TFAM: variants seen among roughly 807,000 people sequenced by gnomAD.
TFAM encodes mitochondrial transcription factor 1.
Under a neutral mutation model 30.6 loss-of-function variants are expected in TFAM, and 13 were observed. That is an observed-to-expected ratio of 0.42 (90% CI 0.28 to 0.67). The LOEUF is 0.67. Ranked by LOEUF, TFAM falls within the 30% of genes least tolerant of loss-of-function variation. TFAM has a pLI of 0.21. For missense variants in TFAM, 231 were observed against 293.7 expected (o/e 0.79, Z 1.56); for synonymous variants, 106 against 94.8 (o/e 1.12, Z -0.69).
Position 58,390,761 on chromosome 10 carries a change from T to C in TFAM, c.442-4T>C. ...TTTTTGACCCTCCAATTTTTTTAAT[T>C]CAGGAGTTAACACTGCTTGGAAAAC... On this transcript the variant is annotated splice_polypyrimidine_tract_variant and splice_region_variant and intron_variant, in intron 4 of 6. Coordinates refer to ENST00000487519, the MANE Select transcript of TFAM (RefSeq NM_003201.3). The C allele has an allele frequency of 6.2e-7, 1 of 1,611,206 alleles. No homozygotes were observed. Among genetic ancestry groups the C allele is most frequent in the Non-Finnish European group, 8.5e-7 (1 of 1,179,084 alleles).
intron 2 of TFAM, among the ~76,000 whole-genome samples, chr10:58,387,036 G>A (rs984374919): frequency 6.6e-6 from 1 of 152,148 alleles, no homozygotes; most frequent in African/African-American, 2.4e-5. Flanking sequence ...GGTCGAGATG[G>A]GTGGATTGCT....
chr10:58,396,101 A>G lies in TFAM; in HGVS notation c.*1027A>G, dbSNP rs1840676564. On this transcript the variant is annotated 3_prime_UTR_variant, in exon 7 of 7. Coordinates refer to ENST00000487519, the MANE Select transcript of TFAM (RefSeq NM_003201.3). Reference sequence around the variant, plus strand: ...TTATGATACTTGAAAATTAACATGAATATTTAGTGTTCATAAATAAAGTTT... The same window carrying G: ...TTATGATACTTGAAAATTAACATGAGTATTTAGTGTTCATAAATAAAGTTT... 6.6e-6 allele frequency: 1 copy of G among 152,482 alleles called. No homozygotes were observed. Among genetic ancestry groups the G allele is most frequent in the Non-Finnish European group, 1.5e-5 (1 of 68,260 alleles). The allele number at this position is 152,482 out of a possible 1,614,324, so 9.4% of individuals were successfully genotyped here.
At chr10:58,389,976 A>G (rs1009191421) in intron 4 of TFAM, among the ~76,000 whole-genome samples, 3 of 152,230 alleles carry the variant, frequency 2.0e-5, no homozygotes, top group Non-Finnish European at 4.4e-5. Flanking sequence ...TCTAGAAACA[A>G]AGAGGGAAAT....
intron 2 of TFAM, 105 bp from the exon 3 acceptor site, chr10:58,388,080 CATTAT>C (rs1840524052): frequency 2.5e-6 from 2 of 799,022 alleles, no homozygotes; most frequent in Non-Finnish European, 2.1e-6. Flanking sequence ...AAAGTTAAAT[CATTAT>C]ATTAAGTTAT....
chr10:58,387,701 A>G (rs896349530), intron 2 of TFAM, among the ~76,000 whole-genome samples: 1 of 152,132 alleles, frequency 6.6e-6, no homozygotes, highest in African/African-American at 2.4e-5. Context: ...AGACTGAGGC[A>G]GATGGATTGC....
Position 58,395,679 on chromosome 10 carries a change from A to G in TFAM, c.*605A>G. 1 of 296,846 alleles carries G rather than the reference A, an allele frequency of 3.4e-6. No individual in the cohort carries two copies. The highest frequency in any genetic ancestry group is 6.1e-6 in the Non-Finnish European group (1 of 162,704). The allele number at this position is 296,846 out of a possible 1,614,324, so 18.4% of individuals were successfully genotyped here. Reference sequence around the variant, plus strand: ...TTTCTAAAGTAAAAACAAAGAAATTATGTGCCAGATTTATGCATATTATTT... The same window carrying G: ...TTTCTAAAGTAAAAACAAAGAAATTGTGTGCCAGATTTATGCATATTATTT... On this transcript the variant is annotated 3_prime_UTR_variant, in exon 7 of 7. Coordinates refer to ENST00000487519, the MANE Select transcript of TFAM (RefSeq NM_003201.3).
chr10:58,386,144 G>C lies in TFAM; in HGVS notation c.102-76G>C. 3 of 951,290 alleles carry C rather than the reference G, an allele frequency of 3.2e-6. No homozygotes were observed. In the Admixed American group the frequency reaches 5.1e-5, roughly 16 times the overall value. 58.9% of individuals were successfully genotyped at this position (951,290 alleles called of 1,614,324 possible). A position where few individuals can be genotyped will look rare whatever the true frequency, so the allele number is the denominator to read the frequency against. ...TATCTTGATGACATTTCTTATTTGGGATCTGTGTTCATATACATGTGAATA... is the reference window on the plus strand; with the variant it reads ...TATCTTGATGACATTTCTTATTTGGCATCTGTGTTCATATACATGTGAATA... On this transcript the variant is annotated intron_variant, in intron 1 of 6. Coordinates refer to ENST00000487519, the MANE Select transcript of TFAM (RefSeq NM_003201.3).
chr10:58,385,460 G>C lies in TFAM; in HGVS notation c.-88G>C. On this transcript the variant is annotated 5_prime_UTR_variant, in exon 1 of 7. Coordinates refer to ENST00000487519, the MANE Select transcript of TFAM (RefSeq NM_003201.3). ...GATAACACACGCCGGAGGGTCGCAC[G>C]CGGGTTCCAGTTGTGATTGCTGGAG... 1.0e-6 allele frequency: 1 copy of C among 996,370 alleles called. No homozygotes were observed. The highest frequency in any genetic ancestry group is 1.5e-6 in the Non-Finnish European group (1 of 645,888). The allele number at this position is 996,370 out of a possible 1,614,324, so 61.7% of individuals were successfully genotyped here. A position where few individuals can be genotyped will look rare whatever the true frequency, so the allele number is the denominator to read the frequency against.
In TFAM at chr10:58,388,830, T is replaced by C. The variant is rs755878506; in HGVS notation, c.441+11T>C. On this transcript the variant is annotated intron_variant, in intron 4 of 6. Coordinates refer to ENST00000487519, the MANE Select transcript of TFAM (RefSeq NM_003201.3). ...ATGACAAAAAAAAAAGTGAGTATCA[T>C]TGAAATACTTTTTTCTTATGGTAAA... 2 of 1,593,962 alleles carry C rather than the reference T, an allele frequency of 1.3e-6. No homozygotes were observed. Among genetic ancestry groups the C allele is most frequent in the East Asian group, 4.5e-5 (2 of 44,712 alleles).
At chr10:58,387,062 G>A (rs548745860) in intron 2 of TFAM, among the ~76,000 whole-genome samples, 5 of 152,180 alleles carry the variant, frequency 3.3e-5, no homozygotes, top group Admixed American at 3.3e-4. Context: ...CCAGGAGTTC[G>A]AGAACAGCCT....
At position 58,398,979 on chromosome 10, in the gene TFAM, T is replaced by A. The variant is rs1182960656; in HGVS notation, c.*3905T>A. 1 of 152,214 alleles carries A rather than the reference T, an allele frequency of 6.6e-6. No homozygotes were observed. Among genetic ancestry groups the A allele is most frequent in the Non-Finnish European group, 1.5e-5 (1 of 68,034 alleles). 9.4% of individuals were successfully genotyped at this position (152,214 alleles called of 1,614,324 possible). On this transcript the variant is annotated 3_prime_UTR_variant, in exon 7 of 7. Transcript: ENST00000487519. ...GTAAGAAAATGAATACATTTATTAC[T>A]TTAAATTTGTAAAATTTTCCAAAGT...
intron 5 of TFAM, among the ~76,000 whole-genome samples, chr10:58,392,000 G>A (rs952540583): frequency 5.4e-5 from 8 of 148,636 alleles, no homozygotes; most frequent in African/African-American, 2.0e-4. Flanking sequence ...AGTAAATTTA[G>A]GATGTGTTTT....
rs1215396405 is a variant in TFAM, at chr10:58,396,201, CTA to C, written c.*1130_*1131del. On this transcript the variant is annotated 3_prime_UTR_variant, in exon 7 of 7. Coordinates refer to ENST00000487519, the MANE Select transcript of TFAM (RefSeq NM_003201.3). ...TGTGGCAGAGTAGCTGCCACAGAAA[CTA>C]TAGCCCACAAAGCCTGATATTTACT... is the stretch of plus-strand genomic sequence containing the variant. 2.6e-5 allele frequency: 4 copies of C among 152,216 alleles called. No individual in the cohort carries two copies. The East Asian group carries it at 7.7e-4, about 29-fold the overall frequency. 9.4% of individuals were successfully genotyped at this position (152,216 alleles called of 1,614,324 possible).
At chr10:58,387,798 C>T (rs11006129) in intron 2 of TFAM, among the ~76,000 whole-genome samples, 22,767 of 151,858 alleles carry the variant, frequency 0.15, 1,694 homozygotes, top group African/African-American at 0.16. Context: ...GACATGATGG[C>T]GCCTACCTGT....
chr10:58,386,580 A>G, intron 2 of TFAM: 1 of 1,045,456 alleles, frequency 9.6e-7, no homozygotes. Context: ...AAGAGGATAA[A>G]AAAGCTGAAT....
At position 58,395,479 on chromosome 10, in the gene TFAM, T is replaced by G; in HGVS notation, c.*405T>G. 1 of 272,016 alleles carries G rather than the reference T, an allele frequency of 3.7e-6. No individual in the cohort carries two copies. Among genetic ancestry groups the G allele is most frequent in the Non-Finnish European group, 6.9e-6 (1 of 144,544 alleles). The allele number at this position is 272,016 out of a possible 1,614,324, so 16.9% of individuals were successfully genotyped here. A position where few individuals can be genotyped will look rare whatever the true frequency, so the allele number is the denominator to read the frequency against. On this transcript the variant is annotated 3_prime_UTR_variant, in exon 7 of 7. Transcript: ENST00000487519. ...GTAGAAGCCACGGTGTTCTGTGATA[T>G]AAGTGTGTGTTTTTCATAAAGCAGG...
intron 4 of TFAM, among the ~76,000 whole-genome samples, chr10:58,389,834 C>A (rs1840558408): frequency 6.6e-6 from 1 of 152,210 alleles, no homozygotes; most frequent in South Asian, 2.1e-4. Flanking sequence ...TATAAAGTTT[C>A]CCTTGTCATT....
chr10:58,395,171 T>A lies in TFAM; in HGVS notation c.*97T>A. 1 of 1,256,196 alleles carries A rather than the reference T, an allele frequency of 8.0e-7. No individual in the cohort carries two copies. Among genetic ancestry groups the A allele is most frequent in the Non-Finnish European group, 1.1e-6 (1 of 875,018 alleles). 77.8% of individuals were successfully genotyped at this position (1,256,196 alleles called of 1,614,324 possible). A position where few individuals can be genotyped will look rare whatever the true frequency, so the allele number is the denominator to read the frequency against. ...TCGTAAAATTAAGAAAGGATAAAGT[T>A]GGTAAACCTTTTATATTTAGTATCT... On this transcript the variant is annotated 3_prime_UTR_variant, in exon 7 of 7. Coordinates refer to ENST00000487519, the MANE Select transcript of TFAM (RefSeq NM_003201.3).
rs10763537 is a variant in TFAM, at chr10:58,388,024, G to A, written c.221-166G>A. ...CTTAGTTGTTAGATAATAGACTTTT[G>A]ATAATGTTGGATAAATTACTTACGT... is the stretch of plus-strand genomic sequence containing the variant. On this transcript the variant is annotated intron_variant, in intron 2 of 6. Coordinates refer to ENST00000487519, the MANE Select transcript of TFAM (RefSeq NM_003201.3). 0.53 allele frequency among the ~76,000 whole-genome samples: 80,018 copies of A among 151,956 alleles called. 23,009 individuals carry two copies. Among genetic ancestry groups the A allele is most frequent in the African/African-American group, 0.78 (32,267 of 41,434 alleles).
Sources: allele counts gnomAD v4.1 joint callset (sites outside exome capture counted in the v4.1 genomes callset), GRCh38; gene constraint gnomAD v4.1.1; transcripts MANE v1.5; gene names NCBI Gene and HGNC (gene_info 2026-07-23, HGNC 2026-07-21).